Variants in AGO4 observed in about 807,000 individuals in gnomAD.
AGO4 encodes the protein protein argonaute-4.
A neutral mutation model predicts 104.7 loss-of-function variants in AGO4; 33 were observed. The observed-to-expected ratio is 0.32, with a 90% CI of 0.24 to 0.42. The LOEUF (loss-of-function observed/expected upper bound fraction) is 0.42, where lower values mean the gene tolerates loss of function less well. AGO4 is among the 10% of genes least tolerant of loss of function. The probability of loss-of-function intolerance (pLI) is 1.00; values close to 1 mark genes in which losing one functional copy is unlikely to be tolerated. For missense variants in AGO4, 711 were observed against 1,083.4 expected, an observed-to-expected ratio of 0.66 and a Z score of 4.83; for synonymous variants, 331 against 364.7, an observed-to-expected ratio of 0.91 and a Z score of 1.05.
chr1:35,830,708 G>A (rs1207761427), intron 7 of AGO4, among the ~76,000 whole-genome samples: 4 of 152,134 alleles, frequency 2.6e-5, no homozygotes, highest in African/African-American at 4.8e-5. Context: ...TGGGCATGTG[G>A]CTCACACCTG....
At chr1:35,813,120 T>G (rs992363339) in intron 1 of AGO4, among the ~76,000 whole-genome samples, 2 of 152,126 alleles carry the variant, frequency 1.3e-5, no homozygotes, top group African/African-American at 4.8e-5. Flanking sequence ...ATAAGAATAC[T>G]TTTAGTGGGC....
At position 35,855,289 on chromosome 1, in the gene AGO4, A is replaced by C. The variant is rs1249623801; in HGVS notation, c.*1684A>C. The C allele has an allele frequency of 6.5e-6, 1 of 152,788 alleles. No individual in the cohort carries two copies. The highest frequency in any genetic ancestry group is 6.6e-5 in the Admixed American group (1 of 15,266). 9.5% of individuals were successfully genotyped at this position (152,788 alleles called of 1,614,324 possible). A position where few individuals can be genotyped will look rare whatever the true frequency, so the allele number is the denominator to read the frequency against. On this transcript the variant is annotated 3_prime_UTR_variant, in exon 18 of 18. Coordinates refer to ENST00000373210, the MANE Select transcript of AGO4 (RefSeq NM_017629.4). ...AACAATTTTGCCGCCCCTGCCTGGA[A>C]ACTGCTGGTGGGGAAATGATGGTGA... is the stretch of plus-strand genomic sequence containing the variant.
chr1:35,835,006 C>CTTTTTTTT (rs34516326), intron 12 of AGO4, among the ~76,000 whole-genome samples: 4 of 102,968 alleles, frequency 3.9e-5, no homozygotes, highest in Non-Finnish European at 5.7e-5. Context: ...CAGTTTTAAA[C>CTTTTTTTT]TTTTTTTTTT....
chr1:35,811,100 C>T (rs996254863), intron 1 of AGO4, among the ~76,000 whole-genome samples: 1 of 151,948 alleles, frequency 6.6e-6, no homozygotes, highest in African/African-American at 2.4e-5. Flanking sequence ...ATGCTGCGAG[C>T]TGAGATCGCA....
chr1:35,856,324 C>T lies in AGO4; in HGVS notation c.*2719C>T, dbSNP rs901498461. ...CTGAATGCATAGTTTTACTTTAATT[C>T]GGCTTGACAATTTGAATAGGTAACC... On this transcript the variant is annotated 3_prime_UTR_variant, in exon 18 of 18. Transcript: ENST00000373210. 6.6e-6 allele frequency: 1 copy of T among 152,148 alleles called. No homozygotes were observed. Among genetic ancestry groups the T allele is most frequent in the South Asian group, 2.1e-4 (1 of 4,830 alleles). The allele number at this position is 152,148 out of a possible 1,614,324, so 9.4% of individuals were successfully genotyped here.
rs570916207 is a variant in AGO4, at chr1:35,808,622, C to T, written c.19+187C>T. On this transcript the variant is annotated intron_variant, in intron 1 of 17. Transcript: ENST00000373210. The surrounding 1 kb of genome is among the most constrained non-coding windows in gnomAD (Gnocchi z 5.2). The stretch of plus-strand genomic sequence containing the variant: ...TGGGGGGCGGTGACCGCGCCCCAGC[C>T]GGCCGTTGGGTGGATCCCGAGGTCC... Among the ~76,000 whole-genome samples, 1 of 152,060 alleles carries T rather than the reference C, an allele frequency of 6.6e-6. No individual in the cohort carries two copies. Among genetic ancestry groups the T allele is most frequent in the Admixed American group, 6.5e-5 (1 of 15,284 alleles).
chr1:35,818,205 T>C (rs1643774015), intron 2 of AGO4, among the ~76,000 whole-genome samples: 1 of 152,228 alleles, frequency 6.6e-6, no homozygotes, highest in Non-Finnish European at 1.5e-5. Flanking sequence ...CACACACGTA[T>C]GTATATGTAT....
chr1:35,816,200 TC>T (rs1165655293), intron 1 of AGO4, among the ~76,000 whole-genome samples: 1 of 152,204 alleles, frequency 6.6e-6, no homozygotes, highest in Non-Finnish European at 1.5e-5. Context: ...CATTTCCAAC[TC>T]TGGGGATGGT....
chr1:35,840,675 GTA>G (rs1377117641), intron 13 of AGO4, among the ~76,000 whole-genome samples: 1 of 152,216 alleles, frequency 6.6e-6, no homozygotes, highest in African/African-American at 2.4e-5. Flanking sequence ...GTACAGTGTA[GTA>G]TAGTACATAA....
At position 35,835,921 on chromosome 1, in the gene AGO4, C is replaced by A; in HGVS notation, c.1652C>A (p.Thr551Asn). 6.2e-7 allele frequency: 1 copy of A among 1,614,088 alleles called. No homozygotes were observed. The highest frequency in any genetic ancestry group is 8.5e-7 in the Non-Finnish European group (1 of 1,179,986). ...AATGTAGTGAAGACCTCACCTCAAA[C>A]CCTTTCCAATCTTTGCCTGAAGATA... is the stretch of plus-strand genomic sequence containing the variant. The part of the protein sequence containing the change: ...VKNVVKTSPQ[T>N]LSNLCLKINA... Residue 551 changes from threonine to asparagine, a missense_variant, in exon 13 of 18, where the codon ACC becomes AAC. Thr to Asn is a moderately conservative substitution (Grantham distance 65). Coordinates refer to ENST00000373210, the MANE Select transcript of AGO4 (RefSeq NM_017629.4).
rs1312362773 is a variant in AGO4, at chr1:35,825,479, A to G, written c.473A>G (p.His158Arg). The G allele has an allele frequency of 1.2e-6, 2 of 1,613,914 alleles. No individual in the cohort carries two copies. Among genetic ancestry groups the G allele is most frequent in the African/African-American group, 2.7e-5 (2 of 74,904 alleles). The change falls in exon 4 of 18, where the codon CAC becomes CGC. Residue 158 changes from histidine to arginine, a missense_variant. By Grantham distance (29) the His-to-Arg change is conservative. This residue lies in a region of AGO4 where 308 missense variants were observed against 397.8 expected (regional missense o/e 0.77). Coordinates refer to ENST00000373210, the MANE Select transcript of AGO4 (RefSeq NM_017629.4). ...SVQALDVITR[H>R]LPSMRYTPVG... is the part of the protein sequence containing the mutation. ...CAAGCACTTGATGTTATCACAAGAC[A>G]CCTTCCCTCCATGAGGTTAGTACCT...
intron 7 of AGO4, among the ~76,000 whole-genome samples, chr1:35,827,810 T>C (rs1364624852): frequency 1.6e-5 from 1 of 60,972 alleles, no homozygotes; most frequent in Non-Finnish European, 3.8e-5. Flanking sequence ...TTTTTTTTTT[T>C]CTTTTGGAGA....
In AGO4 at chr1:35,841,678, G is replaced by T. The variant is rs1203031332; in HGVS notation, c.2103G>T (p.Arg701=). The T allele has an allele frequency of 6.2e-7, 1 of 1,614,000 alleles. No individual in the cohort carries two copies. The highest frequency in any genetic ancestry group is 8.5e-7 in the Non-Finnish European group (1 of 1,179,980). ...KACISLEEDY[R]PGITYIVVQK... is the part of the protein sequence containing the mutation. ...GTATTAGCTTGGAAGAAGATTACCG[G>T]CCAGGAATAACTTATATTGTGGTGC... Residue 701 remains arginine, a synonymous_variant, in exon 15 of 18, where the codon CGG becomes CGT. Coordinates refer to ENST00000373210, the MANE Select transcript of AGO4 (RefSeq NM_017629.4). The surrounding 1 kb of genome is among the most constrained non-coding windows in gnomAD (Gnocchi z 4.7).
intron 7 of AGO4, among the ~76,000 whole-genome samples, chr1:35,828,976 T>C (rs1319328105): frequency 2.0e-5 from 3 of 152,128 alleles, no homozygotes; most frequent in Non-Finnish European, 4.4e-5. Context: ...GAGTTAAATA[T>C]ACAGTATACA....
chr1:35,841,824 A>G lies in AGO4; in HGVS notation c.2175+74A>G. The G allele has an allele frequency of 4.9e-6, 4 of 823,374 alleles. No individual in the cohort carries two copies. In the East Asian group the frequency reaches 1.5e-4, roughly 31 times the overall value. The allele number at this position is 823,374 out of a possible 1,614,324, so 51.0% of individuals were successfully genotyped here. ...TGTATATATGCACATATATATATAT[A>G]TATATATATATATACACCATTTTTA... On this transcript the variant is annotated intron_variant, in intron 15 of 17. Coordinates refer to ENST00000373210, the MANE Select transcript of AGO4 (RefSeq NM_017629.4). This position sits in a 1 kb window ranked among gnomAD's most constrained non-coding sequence, Gnocchi z 4.7.
At chr1:35,823,964 A>G (rs1474825967) in intron 3 of AGO4, among the ~76,000 whole-genome samples, 1 of 152,128 alleles carries the variant, frequency 6.6e-6, no homozygotes, top group Non-Finnish European at 1.5e-5. Context: ...TGAAAATGAG[A>G]TGAGCATTAG....
chr1:35,825,710 C>T lies in AGO4; in HGVS notation c.520C>T (p.Pro174Ser), dbSNP rs750905495. 2 of 1,575,926 alleles carry T rather than the reference C, an allele frequency of 1.3e-6. No individual in the cohort carries two copies. The highest frequency in any genetic ancestry group is 1.2e-5 in the South Asian group (1 of 84,046). Reference sequence around the variant, plus strand: ...CCCAGTGGGCCGTTCCTTTTTCTCACCCCCGGAAGGTTACTACCACCCTCT... The same window carrying T: ...CCCAGTGGGCCGTTCCTTTTTCTCATCCCCGGAAGGTTACTACCACCCTCT... ...YTPVGRSFFS[P>S]PEGYYHPLGG... is the part of the protein sequence containing the mutation. The change falls in exon 5 of 18, where the codon CCC becomes TCC. Residue 174 changes from proline to serine, a missense_variant. Pro to Ser is a moderately conservative substitution (Grantham distance 74). Transcript: ENST00000373210.
intron 1 of AGO4, among the ~76,000 whole-genome samples, chr1:35,814,525 A>G (rs1005662491): frequency 7.3e-6 from 1 of 136,652 alleles, no homozygotes; most frequent in Non-Finnish European, 1.5e-5. Context: ...CTCATTGTTC[A>G]ATTCCCATCT....
Position 35,855,608 on chromosome 1 carries a change from G to A in AGO4, c.*2003G>A, listed in dbSNP as rs1157747320. On this transcript the variant is annotated 3_prime_UTR_variant, in exon 18 of 18. Coordinates refer to ENST00000373210, the MANE Select transcript of AGO4 (RefSeq NM_017629.4). ...GTTCTGTAAAATGAAGCACAACATAGCCAGGAGTGAAGAGATGGCAGATGT... is the reference window on the plus strand; with the variant it reads ...GTTCTGTAAAATGAAGCACAACATAACCAGGAGTGAAGAGATGGCAGATGT... The A allele has an allele frequency of 6.6e-6, 1 of 151,654 alleles. No homozygotes were observed. Among genetic ancestry groups the A allele is most frequent in the Non-Finnish European group, 1.5e-5 (1 of 67,928 alleles). The allele number at this position is 151,654 out of a possible 1,614,324, so 9.4% of individuals were successfully genotyped here.
Sources: gnomAD v4.1 joint callset for allele counts (sites outside exome capture counted in the v4.1 genomes callset) on GRCh38, gnomAD v4.1.1 for gene constraint, gnomAD v4.1.1 regional missense constraint, Gnocchi (gnomAD v3.1) non-coding constraint, MANE v1.5 for transcripts, NCBI Gene and HGNC (gene_info 2026-07-23, HGNC 2026-07-21) for gene names.